The following AKAP6 variants were observed in gnomAD, a reference collection of about 807,000 sequenced individuals.
AKAP6 encodes A-kinase anchoring protein 6.
In AKAP6, 58 loss-of-function variants were observed where a neutral mutation model predicts 188.5. The ratio of observed to expected loss-of-function variants is 0.31; its 90% confidence interval spans 0.25 to 0.38. The LOEUF is 0.38. AKAP6 is among the 10% of genes least tolerant of loss of function. AKAP6 has a pLI of 1.00. For missense variants in AKAP6, 2,710 were observed against 2,740.0 expected (o/e 0.99, Z 0.24); for synonymous variants, 989 against 998.6 (o/e 0.99, Z 0.18).
intron 1 of AKAP6, among the ~76,000 whole-genome samples, chr14:32,413,710 T>G (rs1262295093): frequency 6.6e-6 from 1 of 152,116 alleles, no homozygotes; most frequent in African/African-American, 2.4e-5. Flanking sequence ...GATGGATGAA[T>G]CCAAGTTGCA....
intron 12 of AKAP6, among the ~76,000 whole-genome samples, chr14:32,786,325 T>TTTTTTTTTTTTTTTTTTTTTTTTTTG (rs869300242): frequency 7.9e-6 from 1 of 126,508 alleles, no homozygotes; most frequent in African/African-American, 3.1e-5. Context: ...TTTTTTTTTT[T>TTTTTTTTTTTTTTTTTTTTTTTTTTG]GAGACGGAAT....
chr14:32,743,956 G>A (rs1249952845), intron 11 of AKAP6, among the ~76,000 whole-genome samples: 2 of 152,146 alleles, frequency 1.3e-5, no homozygotes, highest in African/African-American at 4.8e-5. Context: ...ATTTCTTGTA[G>A]GACAGGTCTG....
At chr14:32,391,956 T>A (rs1325074562) in intron 1 of AKAP6, among the ~76,000 whole-genome samples, 1 of 151,764 alleles carries the variant, frequency 6.6e-6, no homozygotes, top group Admixed American at 6.6e-5. Context: ...TGGGAGTGAG[T>A]CTTATCTTAA....
chr14:32,812,789 G>A (rs1417811922), intron 12 of AKAP6, among the ~76,000 whole-genome samples: 1 of 152,180 alleles, frequency 6.6e-6, no homozygotes, highest in Non-Finnish European at 1.5e-5. Flanking sequence ...TATTGCACCT[G>A]AGAATTCTTT....
intron 3 of AKAP6, among the ~76,000 whole-genome samples, chr14:32,542,976 A>G (rs183438930): frequency 6.6e-6 from 1 of 152,342 alleles, no homozygotes; most frequent in East Asian, 1.9e-4. Flanking sequence ...TGATACATGC[A>G]CACAATGCAA....
At chr14:32,381,264 T>C (rs1244006615) in intron 1 of AKAP6, among the ~76,000 whole-genome samples, 1 of 151,932 alleles carries the variant, frequency 6.6e-6, no homozygotes, top group Non-Finnish European at 1.5e-5. Context: ...TGCTTGAACC[T>C]GGGAGGCAGA....
At chr14:32,669,796 G>T (rs753839807) in intron 7 of AKAP6, among the ~76,000 whole-genome samples, 2 of 152,034 alleles carry the variant, frequency 1.3e-5, no homozygotes, top group Non-Finnish European at 2.9e-5. Flanking sequence ...AAGAAGTGCC[G>T]AGCAAAAGGG....
chr14:32,766,218 A>G (rs1348895652), intron 11 of AKAP6, among the ~76,000 whole-genome samples: 1 of 152,166 alleles, frequency 6.6e-6, no homozygotes, highest in African/African-American at 2.4e-5. Context: ...AAATAATATT[A>G]CATTATATGT....
At chr14:32,529,715 T>A (rs1882309734) in intron 2 of AKAP6, among the ~76,000 whole-genome samples, 1 of 152,206 alleles carries the variant, frequency 6.6e-6, no homozygotes, top group Non-Finnish European at 1.5e-5. Context: ...TAGGGAAATC[T>A]ATCACTCTGT....
In AKAP6 at chr14:32,599,935, C is replaced by G. The variant is rs911406101; in HGVS notation, c.2566+429C>G. Among the ~76,000 whole-genome samples the G allele has an allele frequency of 1.2e-4, 19 of 152,352 alleles. No individual in the cohort carries two copies. In the South Asian group the frequency reaches 3.5e-3, roughly 28 times the overall value. ...TAAATTATTTCCCTGCCGCTTCACA[C>G]ACAAGAACATTTTGCATGTTCTTTG... On this transcript the variant is annotated intron_variant, in intron 6 of 13. Coordinates refer to ENST00000280979, the MANE Select transcript of AKAP6 (RefSeq NM_004274.5).
In AKAP6 at chr14:32,356,664, A is replaced by G. The variant is rs546575891; in HGVS notation, c.-35+27256A>G. The stretch of plus-strand genomic sequence containing the variant: ...TGTCATAAAAAGCCCTCCACAGGCA[A>G]TGTGATGGGTTCCATCTCTTGCCTC... On this transcript the variant is annotated intron_variant, in intron 1 of 13. Coordinates refer to ENST00000280979, the MANE Select transcript of AKAP6 (RefSeq NM_004274.5). 5.9e-5 allele frequency among the ~76,000 whole-genome samples: 9 copies of G among 152,246 alleles called. No homozygotes were observed. In the South Asian group the frequency reaches 1.2e-3, roughly 21 times the overall value.
intron 2 of AKAP6, among the ~76,000 whole-genome samples, chr14:32,531,371 C>A (rs895438946): frequency 2.0e-5 from 3 of 152,166 alleles, no homozygotes; most frequent in East Asian, 1.9e-4. Flanking sequence ...TGCTGATGAT[C>A]ACAGTACCGT....
intron 1 of AKAP6, among the ~76,000 whole-genome samples, chr14:32,337,361 C>T (rs1886738177): frequency 6.6e-6 from 1 of 152,122 alleles, no homozygotes. Flanking sequence ...GAGCACACAG[C>T]TTCTAGAACA....
rs1353558673 is a variant in AKAP6, at chr14:32,527,445, A to G, written c.325-8109A>G. Reference sequence around the variant, plus strand: ...CATCTGTGTGCAGGTTTTTCTGTGGATATGAGTTTTCAACTCCTTTGGGTA... The same window carrying G: ...CATCTGTGTGCAGGTTTTTCTGTGGGTATGAGTTTTCAACTCCTTTGGGTA... On this transcript the variant is annotated intron_variant, in intron 2 of 13. Coordinates refer to ENST00000280979, the MANE Select transcript of AKAP6 (RefSeq NM_004274.5). 4.6e-5 allele frequency among the ~76,000 whole-genome samples: 7 copies of G among 152,214 alleles called. No individual in the cohort carries two copies. The East Asian group carries it at 1.3e-3, about 29-fold the overall frequency.
chr14:32,599,325 T>TG, intron 5 of AKAP6, 85 bp from the exon 6 acceptor site: 1 of 1,133,566 alleles, frequency 8.8e-7, no homozygotes, highest in Non-Finnish European at 1.3e-6. Flanking sequence ...GTGTGGTTCT[T>TG]GATAAAAAGT....
chr14:32,502,769 TA>T (rs1787320945), intron 2 of AKAP6, among the ~76,000 whole-genome samples: 1 of 152,148 alleles, frequency 6.6e-6, no homozygotes, highest in Non-Finnish European at 1.5e-5. Context: ...TGCGTCAGAA[TA>T]TAAAGTCTTC....
intron 5 of AKAP6, among the ~76,000 whole-genome samples, chr14:32,593,333 C>A (rs944198342): frequency 2.0e-5 from 3 of 152,122 alleles, no homozygotes; most frequent in Admixed American, 2.0e-4. Context: ...TTGGAATATT[C>A]TCACAGTGCT....
intron 4 of AKAP6, 148 bp from the exon 5 acceptor site, chr14:32,576,972 A>C: frequency 1.2e-6 from 1 of 860,230 alleles, no homozygotes; most frequent in Non-Finnish European, 1.7e-6. Flanking sequence ...AAATTCCATT[A>C]CAGCAAAGAT....
intron 4 of AKAP6, among the ~76,000 whole-genome samples, chr14:32,558,902 A>G (rs1016025178): frequency 2.6e-5 from 4 of 152,182 alleles, no homozygotes; most frequent in Non-Finnish European, 5.9e-5. Flanking sequence ...CCACTTTGTC[A>G]CATAGCATTA....
Sources: gnomAD v4.1 joint callset for allele counts (sites outside exome capture counted in the v4.1 genomes callset) on GRCh38, gnomAD v4.1.1 for gene constraint, MANE v1.5 for transcripts, NCBI Gene and HGNC (gene_info 2026-07-23, HGNC 2026-07-21) for gene names.